CACHD1: variants seen among roughly 807,000 people sequenced by gnomAD.
CACHD1 encodes cache domain containing 1.
CACHD1 carries 71 observed loss-of-function variants against 138.7 expected under a neutral mutation model. The observed-to-expected ratio is 0.51, with a 90% CI of 0.42 to 0.62. The LOEUF is 0.62. CACHD1 is among the 20% of genes least tolerant of loss of function. The pLI is 0.00. For synonymous variants in CACHD1, 578 were observed against 591.5 expected (o/e 0.98, Z 0.33); for missense variants, 1,389 against 1,625.3 (o/e 0.85, Z 2.50).
At chr1:64,509,509 T>TA (rs537194153) in intron 1 of CACHD1, among the ~76,000 whole-genome samples, 33 of 152,260 alleles carry the variant, frequency 2.2e-4, no homozygotes, top group African/African-American at 5.8e-4. Flanking sequence ...TTTCTTGGCT[T>TA]AAAAAAATGG....
In CACHD1 at chr1:64,663,801, C is replaced by T. The variant is rs752719741; in HGVS notation, c.2058C>T (p.Ser686=). The T allele has an allele frequency of 6.2e-6, 10 of 1,613,982 alleles. No individual in the cohort carries two copies. The highest frequency in any genetic ancestry group is 1.7e-5 in the Admixed American group (1 of 60,008). The change falls in exon 14 of 27, where the codon AGC becomes AGT. Residue 686 remains serine, a synonymous_variant. Coordinates refer to ENST00000651257, the MANE Select transcript of CACHD1 (RefSeq NM_020925.4). The part of the protein sequence containing the change: ...RMVEHYTAYL[S]DNTRLIANPG... ...TAGAGCACTACACCGCCTATCTCAG[C>T]GACAACACCCGCCTCATTGCTAACC...
At chr1:64,673,731 T>A (rs1649895524) in intron 19 of CACHD1, among the ~76,000 whole-genome samples, 1 of 152,186 alleles carries the variant, frequency 6.6e-6, no homozygotes, top group Non-Finnish European at 1.5e-5. Context: ...CCAATGTAAG[T>A]CCTTTGAAAT....
intron 1 of CACHD1, among the ~76,000 whole-genome samples, chr1:64,478,024 A>G (rs894392371): frequency 6.6e-6 from 1 of 152,128 alleles, no homozygotes; most frequent in Admixed American, 6.5e-5. Flanking sequence ...TATATTTGTA[A>G]TGTTTTATAA....
At chr1:64,622,134 T>C (rs1570425509) in intron 4 of CACHD1, among the ~76,000 whole-genome samples, 1 of 152,184 alleles carries the variant, frequency 6.6e-6, no homozygotes, top group East Asian at 1.9e-4. Flanking sequence ...AGGTTGACAG[T>C]GAAAAATAAA....
chr1:64,581,231 A>G (rs999178212), intron 2 of CACHD1, among the ~76,000 whole-genome samples: 1 of 152,192 alleles, frequency 6.6e-6, no homozygotes, highest in Non-Finnish European at 1.5e-5. Context: ...ATTTGACTCC[A>G]TGTTCTCAGC....
intron 6 of CACHD1, among the ~76,000 whole-genome samples, chr1:64,633,312 A>T (rs982175531): frequency 6.6e-6 from 1 of 152,206 alleles, no homozygotes; most frequent in Non-Finnish European, 1.5e-5. Flanking sequence ...AAAGAGTATT[A>T]TTCTAATATT....
intron 1 of CACHD1, among the ~76,000 whole-genome samples, chr1:64,495,410 A>G (rs2100307650): frequency 6.6e-6 from 1 of 152,304 alleles, no homozygotes; most frequent in Middle Eastern, 3.4e-3. Context: ...AAGCTCTCCT[A>G]TATAATCTTA....
At chr1:64,563,516 G>A (rs1225640284) in intron 2 of CACHD1, among the ~76,000 whole-genome samples, 1 of 152,174 alleles carries the variant, frequency 6.6e-6, no homozygotes, top group Non-Finnish European at 1.5e-5. Flanking sequence ...ATGCCTGGTA[G>A]CAGAACAACT....
At chr1:64,534,624 G>A (rs144401321) in intron 1 of CACHD1, among the ~76,000 whole-genome samples, 1 of 152,278 alleles carries the variant, frequency 6.6e-6, no homozygotes, top group Non-Finnish European at 1.5e-5. Flanking sequence ...GCTTGCACTT[G>A]CCTCTTCTCC....
At chr1:64,550,968 G>A (rs1045751050) in intron 2 of CACHD1, among the ~76,000 whole-genome samples, 4 of 152,182 alleles carry the variant, frequency 2.6e-5, no homozygotes, top group Non-Finnish European at 5.9e-5. Flanking sequence ...GAAAATAAGT[G>A]TCCAGGCTTT....
In CACHD1 at chr1:64,681,305, G is replaced by T. The variant is rs1210147967; in HGVS notation, c.3454G>T (p.Asp1152Tyr). Residue 1152 changes from aspartate to tyrosine, a missense_variant, in exon 25 of 27, where the codon GAC becomes TAC. By Grantham distance (160) the Asp-to-Tyr change is radical. Coordinates refer to ENST00000651257, the MANE Select transcript of CACHD1 (RefSeq NM_020925.4). ...CCTGGAGAATGACAGAGATGAAAGGGACGACGACAGCCACGAAGACAGAGG... is the reference window on the plus strand; with the variant it reads ...CCTGGAGAATGACAGAGATGAAAGGTACGACGACAGCCACGAAGACAGAGG... Reference protein sequence around the residue: ...SNLENDRDERDDDSHEDRGII... With the variant: ...SNLENDRDERYDDSHEDRGII... 1 of 1,613,870 alleles carries T rather than the reference G, an allele frequency of 6.2e-7. No homozygotes were observed. Among genetic ancestry groups the T allele is most frequent in the Non-Finnish European group, 8.5e-7 (1 of 1,179,876 alleles).
chr1:64,677,408 A>G (rs1557553125), intron 22 of CACHD1, among the ~76,000 whole-genome samples: 1 of 152,292 alleles, frequency 6.6e-6, no homozygotes, highest in East Asian at 1.9e-4. Flanking sequence ...TAAAAACTAC[A>G]TGTTCCCCGC....
intron 2 of CACHD1, among the ~76,000 whole-genome samples, chr1:64,575,191 G>A (rs1453154410): frequency 6.6e-6 from 1 of 152,118 alleles, no homozygotes; most frequent in Non-Finnish European, 1.5e-5. Context: ...TCCTTTAAGG[G>A]ATATCATTTC....
intron 3 of CACHD1, among the ~76,000 whole-genome samples, chr1:64,599,532 G>A (rs1313370762): frequency 1.3e-5 from 2 of 152,076 alleles, no homozygotes; most frequent in Admixed American, 6.6e-5. Context: ...GGCCAGTTTC[G>A]TTAGAAGTGT....
chr1:64,549,023 G>T (rs547603042), intron 1 of CACHD1, among the ~76,000 whole-genome samples: 1 of 152,054 alleles, frequency 6.6e-6, no homozygotes, highest in African/African-American at 2.4e-5. Flanking sequence ...GTGATTTGGG[G>T]GTATGTTATT....
At chr1:64,498,416 TATC>T (rs1260503626) in intron 1 of CACHD1, among the ~76,000 whole-genome samples, 37 of 152,376 alleles carry the variant, frequency 2.4e-4, no homozygotes, top group African/African-American at 7.9e-4. Flanking sequence ...ATATTCCTTG[TATC>T]ATCATATTTC....
chr1:64,522,933 G>A (rs1220176092), intron 1 of CACHD1, among the ~76,000 whole-genome samples: 2 of 152,164 alleles, frequency 1.3e-5, no homozygotes, highest in African/African-American at 4.8e-5. Context: ...CCTCAGTAAT[G>A]TTTGGAATGA....
At chr1:64,537,099 G>T (rs998444676) in intron 1 of CACHD1, among the ~76,000 whole-genome samples, 20 of 152,276 alleles carry the variant, frequency 1.3e-4, no homozygotes, top group Non-Finnish European at 2.9e-4. Flanking sequence ...TTTGCAGCAT[G>T]ATGTGAAAGT....
intron 1 of CACHD1, among the ~76,000 whole-genome samples, chr1:64,496,095 A>G (rs1646305139): frequency 6.6e-6 from 1 of 152,142 alleles, no homozygotes; most frequent in Non-Finnish European, 1.5e-5. Flanking sequence ...ATCCTAGAAC[A>G]TGAGTGGTAG....
Sources: gnomAD v4.1 joint callset for allele counts (sites outside exome capture counted in the v4.1 genomes callset) on GRCh38, gnomAD v4.1.1 for gene constraint, MANE v1.5 for transcripts, NCBI Gene and HGNC (gene_info 2026-07-23, HGNC 2026-07-21) for gene names.